Variants in CDH13 observed in about 807,000 individuals in gnomAD.
The protein encoded by CDH13 is cadherin-13.
CDH13 carries 24 observed loss-of-function variants against 63.8 expected under a neutral mutation model. The ratio of observed to expected loss-of-function variants is 0.38; its 90% confidence interval spans 0.27 to 0.53. CDH13 has a LOEUF of 0.53. Among genes scored for constraint, CDH13 ranks in the 20% least tolerant of loss-of-function variants. The probability of loss-of-function intolerance (pLI) is 0.85; values close to 1 mark genes in which losing one functional copy is unlikely to be tolerated. For synonymous variants in CDH13, 503 were observed against 355.3 expected (o/e 1.42, Z -4.67); for missense variants, 1,049 against 903.1 (o/e 1.16, Z -2.07).
At chr16:83,484,476 G>A (rs1387377) in intron 6 of CDH13, among the ~76,000 whole-genome samples, 142,296 of 152,324 alleles carry the variant, frequency 0.93, 67,243 homozygotes, top group East Asian at 1. Context: ...TCCAAATGTG[G>A]TAGCAATACA....
At chr16:83,158,594 G>C (rs2151706964) in intron 4 of CDH13, among the ~76,000 whole-genome samples, 1 of 152,338 alleles carries the variant, frequency 6.6e-6, no homozygotes, top group Non-Finnish European at 1.5e-5. Context: ...GAAAGTCGTG[G>C]AGGTAGATAT....
At chr16:83,405,067 A>T (rs902228099) in intron 6 of CDH13, among the ~76,000 whole-genome samples, 4 of 152,204 alleles carry the variant, frequency 2.6e-5, no homozygotes, top group Admixed American at 6.5e-5. Context: ...AAAGCAGGTC[A>T]GTAACAGTAC....
intron 6 of CDH13, among the ~76,000 whole-genome samples, chr16:83,370,199 A>G (rs2091338578): frequency 6.6e-6 from 1 of 152,142 alleles, no homozygotes; most frequent in South Asian, 2.1e-4. Flanking sequence ...CATCCTGGCT[A>G]ACATGGTGAA....
At chr16:83,626,514 T>C (rs920916322) in intron 8 of CDH13, among the ~76,000 whole-genome samples, 3 of 152,180 alleles carry the variant, frequency 2.0e-5, no homozygotes, top group Non-Finnish European at 4.4e-5. Flanking sequence ...AATATTTGAA[T>C]GCAAGTCACA....
chr16:82,972,889 C>T (rs763941725), intron 2 of CDH13, among the ~76,000 whole-genome samples: 5 of 152,284 alleles, frequency 3.3e-5, no homozygotes, highest in Non-Finnish European at 5.9e-5. Context: ...CCAGGTCACT[C>T]AGGCACAACC....
chr16:82,850,694 C>T (rs945713590), intron 1 of CDH13, among the ~76,000 whole-genome samples: 6 of 152,138 alleles, frequency 3.9e-5, no homozygotes, highest in African/African-American at 7.2e-5. Flanking sequence ...TGGCAAACCT[C>T]GTTGTTTTCT....
Position 83,101,423 on chromosome 16 carries a change from A to G in CDH13, c.367-23962A>G, listed in dbSNP as rs138744522. Among the ~76,000 whole-genome samples the G allele has an allele frequency of 3.4e-4, 50 of 149,058 alleles. 1 individual carries two copies. Among genetic ancestry groups the G allele is most frequent in the African/African-American group, 1.1e-3 (43 of 40,614 alleles). On this transcript the variant is annotated intron_variant, in intron 3 of 13. Transcript: ENST00000567109. ...GTAATGTATATATTTAGTATGTTAGATTGTGATATTGCCAAAAAAAAAAAG... is the reference window on the plus strand; with the variant it reads ...GTAATGTATATATTTAGTATGTTAGGTTGTGATATTGCCAAAAAAAAAAAG...
intron 7 of CDH13, among the ~76,000 whole-genome samples, chr16:83,511,073 C>T (rs202030527): frequency 1.3e-5 from 2 of 150,082 alleles, no homozygotes; most frequent in East Asian, 2.0e-4. Flanking sequence ...CACGCACACA[C>T]ATGCACGCAT....
At chr16:82,711,701 A>G (rs556252012) in intron 1 of CDH13, among the ~76,000 whole-genome samples, 25 of 152,330 alleles carry the variant, frequency 1.6e-4, no homozygotes, top group African/African-American at 5.5e-4. Context: ...TGCTACGGCT[A>G]TTCCCATTAT....
At chr16:82,984,088 A>AT (rs1456496012) in intron 2 of CDH13, among the ~76,000 whole-genome samples, 3 of 152,354 alleles carry the variant, frequency 2.0e-5, no homozygotes, top group African/African-American at 7.2e-5. Context: ...TAAACCTGGC[A>AT]GGTCACTTGA....
chr16:82,740,977 AAAGT>A (rs1356006877), intron 1 of CDH13, among the ~76,000 whole-genome samples: 1 of 152,200 alleles, frequency 6.6e-6, no homozygotes, highest in Non-Finnish European at 1.5e-5. Context: ...TATATTTTTA[AAAGT>A]AAGTGTATTA....
At chr16:83,140,271 C>T (rs568175189) in intron 4 of CDH13, among the ~76,000 whole-genome samples, 2 of 152,140 alleles carry the variant, frequency 1.3e-5, no homozygotes, top group Non-Finnish European at 2.9e-5. Flanking sequence ...CTACACATGA[C>T]CATCTTGTGC....
intron 7 of CDH13, among the ~76,000 whole-genome samples, chr16:83,504,792 T>TG (rs2074359787): frequency 6.6e-6 from 1 of 152,188 alleles, no homozygotes; most frequent in South Asian, 2.1e-4. Context: ...CTTCAAGGAA[T>TG]TTTTTTAAAA....
At chr16:83,346,382 C>T (rs893613012) in intron 6 of CDH13, among the ~76,000 whole-genome samples, 10 of 152,226 alleles carry the variant, frequency 6.6e-5, no homozygotes, top group Admixed American at 1.3e-4. Context: ...TCTTCTTAAA[C>T]GAGCTGATGT....
At chr16:83,525,721 G>A (rs570893111) in intron 7 of CDH13, among the ~76,000 whole-genome samples, 1 of 152,152 alleles carries the variant, frequency 6.6e-6, no homozygotes, top group East Asian at 1.9e-4. Flanking sequence ...CCTTGAGTCG[G>A]GGAGATGATT....
chr16:83,176,806 A>C (rs1181421263), intron 4 of CDH13, among the ~76,000 whole-genome samples: 2 of 152,108 alleles, frequency 1.3e-5, no homozygotes, highest in Non-Finnish European at 2.9e-5. Context: ...TCTAATTCCA[A>C]AGTTGTCTGA....
In CDH13 at chr16:82,750,449, G is replaced by C. The variant is rs141746797; in HGVS notation, c.46-107913G>C. Among the ~76,000 whole-genome samples the C allele has an allele frequency of 3.4e-4, 51 of 152,236 alleles. 1 individual carries two copies. The East Asian group carries it at 9.5e-3, about 28-fold the overall frequency. On this transcript the variant is annotated intron_variant, in intron 1 of 13. Coordinates refer to ENST00000567109, the MANE Select transcript of CDH13 (RefSeq NM_001257.5). ...CTTTAGGGAGCTTGTTGGTTATTCT[G>C]CTTATGGACTCACAGAAGAGAACAA...
chr16:82,996,853 T>A (rs545281921), intron 2 of CDH13, among the ~76,000 whole-genome samples: 6 of 151,458 alleles, frequency 4.0e-5, no homozygotes, highest in Admixed American at 3.9e-4. Context: ...ATAGTAATGA[T>A]TACGGTGGTG....
At chr16:83,549,337 T>A (rs1299300469) in intron 7 of CDH13, among the ~76,000 whole-genome samples, 1 of 152,154 alleles carries the variant, frequency 6.6e-6, no homozygotes, top group East Asian at 1.9e-4. Context: ...TATTTGGAAG[T>A]AAAATATCAG....
Sources: allele counts gnomAD v4.1 joint callset (sites outside exome capture counted in the v4.1 genomes callset), GRCh38; gene constraint gnomAD v4.1.1; transcripts MANE v1.5; gene names NCBI Gene and HGNC (gene_info 2026-07-23, HGNC 2026-07-21).